Variants in TRIM24 observed in about 807,000 individuals in gnomAD.
TRIM24 encodes tripartite motif containing 24, also known as transcription intermediary factor 1-alpha.
Under a neutral mutation model 123.9 loss-of-function variants are expected in TRIM24, and 29 were observed. That is an observed-to-expected ratio of 0.23 (90% CI 0.17 to 0.32). The LOEUF is 0.32. Among genes scored for constraint, TRIM24 ranks in the 10% least tolerant of loss-of-function variants. The probability of loss-of-function intolerance (pLI) is 1.00; values close to 1 mark genes in which losing one functional copy is unlikely to be tolerated. For synonymous variants in TRIM24, 456 were observed against 461.1 expected, an observed-to-expected ratio of 0.99 and a Z score of 0.14; for missense variants, 932 against 1,295.3, an observed-to-expected ratio of 0.72 and a Z score of 4.31.
chr7:138,572,063 A>AGAT (rs1244038026), intron 11 of TRIM24, among the ~76,000 whole-genome samples: 1 of 152,250 alleles, frequency 6.6e-6, no homozygotes, highest in African/African-American at 2.4e-5. Context: ...ATTACCTATA[A>AGAT]GATTGTGAAA....
intron 10 of TRIM24, among the ~76,000 whole-genome samples, chr7:138,568,377 TCC>T (rs1428369071): frequency 8.6e-6 from 1 of 115,930 alleles, no homozygotes; most frequent in Non-Finnish European, 1.7e-5. Context: ...GTACCTGGCC[TCC>T]TTTTTTTTTT....
intron 7 of TRIM24, among the ~76,000 whole-genome samples, chr7:138,541,228 C>A (rs968051243): frequency 6.6e-6 from 1 of 152,000 alleles, no homozygotes; most frequent in Non-Finnish European, 1.5e-5. Context: ...GCAGGAGGCT[C>A]ACTTGAGGCT....
intron 10 of TRIM24, among the ~76,000 whole-genome samples, chr7:138,568,896 ATATTT>A (rs1220552989): frequency 6.6e-6 from 1 of 152,190 alleles, no homozygotes; most frequent in Admixed American, 6.5e-5. Flanking sequence ...AATCATTTTA[ATATTT>A]TATTCTAAAA....
At chr7:138,489,420 T>C (rs1393410937) in intron 1 of TRIM24, among the ~76,000 whole-genome samples, 1 of 152,236 alleles carries the variant, frequency 6.6e-6, no homozygotes, top group African/African-American at 2.4e-5. Context: ...TGCCCGTTAG[T>C]TGATGCAGTT....
At chr7:138,546,293 T>C (rs1263792866) in intron 7 of TRIM24, among the ~76,000 whole-genome samples, 1 of 152,144 alleles carries the variant, frequency 6.6e-6, no homozygotes. Context: ...TTAAAGGTCA[T>C]CCTGCGGAAT....
chr7:138,538,453 G>T (rs1368532076), intron 6 of TRIM24, among the ~76,000 whole-genome samples: 2 of 152,184 alleles, frequency 1.3e-5, no homozygotes, highest in South Asian at 4.1e-4. Flanking sequence ...CCAGGGCCTT[G>T]AGGAGTGAGG....
chr7:138,579,479 C>T lies in TRIM24; in HGVS notation c.2532C>T (p.Cys844=), dbSNP rs766224594. The change falls in exon 15 of 19, where the codon TGC becomes TGT. Residue 844 remains cysteine, a synonymous_variant. Transcript: ENST00000343526. ...GGGAACTCCTCTGCTGTGAAAAGTG[C>T]CCCAAAGTATTCCATCTTTCTTGTC... ...NGGELLCCEK[C]PKVFHLSCHV... 12 of 1,613,638 alleles carry T rather than the reference C, an allele frequency of 7.4e-6. No homozygotes were observed. The highest frequency in any genetic ancestry group is 1.0e-5 in the Non-Finnish European group (12 of 1,179,810).
At chr7:138,508,708 C>CGTGTGTGTGTGCGTGT (rs1796215373) in intron 2 of TRIM24, among the ~76,000 whole-genome samples, 42 of 136,278 alleles carry the variant, frequency 3.1e-4, no homozygotes, top group African/African-American at 1.0e-3. Context: ...CGCGTGTGTG[C>CGTGTGTGTGTGCGTGT]GTGTGTGTGT....
intron 2 of TRIM24, among the ~76,000 whole-genome samples, chr7:138,512,061 A>T (rs942232615): frequency 6.6e-6 from 1 of 152,204 alleles, no homozygotes; most frequent in Admixed American, 6.5e-5. Flanking sequence ...TCCAAAACCC[A>T]GCAGTGCAGT....
intron 1 of TRIM24, among the ~76,000 whole-genome samples, chr7:138,479,752 C>T (rs967361474): frequency 1.3e-5 from 2 of 151,962 alleles, no homozygotes; most frequent in Non-Finnish European, 2.9e-5. Context: ...AGGTGATCTG[C>T]CTGCCTTGGC....
intron 1 of TRIM24, among the ~76,000 whole-genome samples, chr7:138,462,594 C>T (rs976332540): frequency 9.2e-5 from 14 of 152,000 alleles, no homozygotes; most frequent in African/African-American, 3.4e-4. Flanking sequence ...CCCGCCTCGG[C>T]CTCCCAAAGT....
chr7:138,472,433 G>GGT (rs1223812684), intron 1 of TRIM24, among the ~76,000 whole-genome samples: 1 of 152,136 alleles, frequency 6.6e-6, no homozygotes, highest in African/African-American at 2.4e-5. Flanking sequence ...GCTAAATACA[G>GGT]GTGTGTGTGT....
chr7:138,460,963 G>T, intron 1 of TRIM24, 51 bp downstream of exon 1: 1 of 1,356,242 alleles, frequency 7.4e-7, no homozygotes. Flanking sequence ...GCCAGGAGGG[G>T]GCGGGCGCCC....
chr7:138,528,405 A>G (rs910803646), intron 5 of TRIM24, among the ~76,000 whole-genome samples: 2 of 152,172 alleles, frequency 1.3e-5, no homozygotes, highest in African/African-American at 4.8e-5. Flanking sequence ...CTTAGATAAT[A>G]TTATCAAGAC....
intron 5 of TRIM24, among the ~76,000 whole-genome samples, chr7:138,526,642 C>G (rs1344148829): frequency 1.3e-5 from 2 of 152,066 alleles, no homozygotes; most frequent in African/African-American, 4.8e-5. Flanking sequence ...GAACTAGTGA[C>G]CTCAGGTGAT....
chr7:138,577,744 G>A (rs190400385), intron 14 of TRIM24, among the ~76,000 whole-genome samples, 156 bp downstream of exon 14: 27 of 152,138 alleles, frequency 1.8e-4, no homozygotes, highest in African/African-American at 6.3e-4. Context: ...AAAAGACAAA[G>A]ATGGAAAAAC....
At chr7:138,543,523 A>G (rs1483156631) in intron 7 of TRIM24, among the ~76,000 whole-genome samples, 2 of 152,204 alleles carry the variant, frequency 1.3e-5, no homozygotes, top group Non-Finnish European at 2.9e-5. Flanking sequence ...TACTCAGGTT[A>G]TCCTTTAAGT....
At chr7:138,540,241 G>A (rs906530114) in intron 7 of TRIM24, among the ~76,000 whole-genome samples, 1 of 152,168 alleles carries the variant, frequency 6.6e-6, no homozygotes, top group African/African-American at 2.4e-5. Flanking sequence ...AAAATAAGAT[G>A]ACAATGAAGT....
rs548802295 is a variant in TRIM24, at chr7:138,586,188, T to C, written c.*1237T>C. On this transcript the variant is annotated 3_prime_UTR_variant, in exon 19 of 19. Transcript: ENST00000343526. Reference sequence around the variant, plus strand: ...ACCCGGTTCAGCTGATATAGATAGATAGATAGATAGAAGAAAATTGCTGTG... The same window carrying C: ...ACCCGGTTCAGCTGATATAGATAGACAGATAGATAGAAGAAAATTGCTGTG... 6.1e-4 allele frequency: 147 copies of C among 242,686 alleles called. No homozygotes were observed. The Middle Eastern group carries it at 9.4e-3, about 16-fold the overall frequency. 15.0% of individuals were successfully genotyped at this position (242,686 alleles called of 1,614,324 possible). A position where few individuals can be genotyped will look rare whatever the true frequency, so the allele number is the denominator to read the frequency against.
Sources: gnomAD v4.1 joint callset for allele counts (sites outside exome capture counted in the v4.1 genomes callset) on GRCh38, gnomAD v4.1.1 for gene constraint, MANE v1.5 for transcripts, NCBI Gene and HGNC (gene_info 2026-07-23, HGNC 2026-07-21) for gene names.